Variants in LRRC4C observed in about 807,000 individuals in gnomAD.
The protein encoded by LRRC4C is leucine-rich repeat-containing protein 4C.
LRRC4C carries 5 observed loss-of-function variants against 33.6 expected under a neutral mutation model. The observed-to-expected ratio is 0.15, with a 90% confidence interval of 0.08 to 0.31. The LOEUF (loss-of-function observed/expected upper bound fraction) is 0.31. LRRC4C is among the 10% of genes least tolerant of loss of function. LRRC4C has a pLI of 1.00. For synonymous variants in LRRC4C, 329 were observed against 302.0 expected (o/e 1.09, Z -0.93); for missense variants, 560 against 796.7 (o/e 0.70, Z 3.58).
chr11:40,497,202 G>A (rs892731602), intron 3 of LRRC4C, among the ~76,000 whole-genome samples: 1 of 152,042 alleles, frequency 6.6e-6, no homozygotes, highest in Non-Finnish European at 1.5e-5. Context: ...TCAGGAGATT[G>A]AGACCATCCT....
intron 1 of LRRC4C, among the ~76,000 whole-genome samples, chr11:41,367,493 T>G (rs968039179): frequency 6.6e-6 from 1 of 152,180 alleles, no homozygotes; most frequent in Admixed American, 6.5e-5. Flanking sequence ...GAAAGGACTA[T>G]GAGTTTTGAA....
intron 1 of LRRC4C, among the ~76,000 whole-genome samples, chr11:41,329,513 T>A (rs1389071434): frequency 6.6e-6 from 1 of 152,234 alleles, no homozygotes; most frequent in Non-Finnish European, 1.5e-5. Flanking sequence ...CTAATCCTTC[T>A]TTTCCCTCAG....
intron 2 of LRRC4C, among the ~76,000 whole-genome samples, chr11:40,681,354 C>T (rs1413376980): frequency 1.3e-5 from 2 of 152,054 alleles, no homozygotes; most frequent in East Asian, 3.9e-4. Flanking sequence ...AACTGTCTGC[C>T]CCAATACACA....
chr11:40,216,138 C>T (rs952604908), intron 5 of LRRC4C, among the ~76,000 whole-genome samples: 25 of 152,138 alleles, frequency 1.6e-4, no homozygotes, highest in Non-Finnish European at 3.2e-4. Context: ...AATAACTCTT[C>T]AAATCTTAAT....
chr11:40,825,881 A>C (rs1952141259), intron 2 of LRRC4C, among the ~76,000 whole-genome samples: 1 of 150,312 alleles, frequency 6.7e-6, no homozygotes, highest in African/African-American at 2.4e-5. Context: ...AAAAAAAGAA[A>C]AAAATTTAAA....
At chr11:41,006,881 A>G (rs1854792469) in intron 1 of LRRC4C, among the ~76,000 whole-genome samples, 1 of 152,160 alleles carries the variant, frequency 6.6e-6, no homozygotes, top group Admixed American at 6.5e-5. Context: ...ATATTTATTC[A>G]TAGATTTCTT....
At chr11:41,094,344 T>G (rs754736636) in intron 1 of LRRC4C, among the ~76,000 whole-genome samples, 50 of 151,606 alleles carry the variant, frequency 3.3e-4, no homozygotes, top group Non-Finnish European at 5.3e-4. Context: ...GCTAACACGG[T>G]GAAACCCCGT....
rs1000510059 is a variant in LRRC4C, at chr11:41,328,548, C to T, written c.-496+130883G>A. On this transcript the variant is annotated intron_variant, in intron 1 of 6. Coordinates refer to ENST00000528697, the MANE Select transcript of LRRC4C (RefSeq NM_001258419.2). ...TGTCAACACGCTCCTTACTGAGTTG[C>T]TAATCTTTCTCTTCCCTTTTCTCAG... Among the ~76,000 whole-genome samples, 6 of 152,130 alleles carry T rather than the reference C, an allele frequency of 3.9e-5. No homozygotes were observed. In the East Asian group the frequency reaches 9.6e-4, roughly 24 times the overall value.
intron 1 of LRRC4C, among the ~76,000 whole-genome samples, chr11:41,289,912 C>T (rs993051316): frequency 2.0e-5 from 3 of 152,130 alleles, no homozygotes; most frequent in South Asian, 4.1e-4. Context: ...AGTGAGGATA[C>T]AATACTGCCT....
At chr11:40,436,133 C>T (rs1280595588) in intron 3 of LRRC4C, among the ~76,000 whole-genome samples, 1 of 152,196 alleles carries the variant, frequency 6.6e-6, no homozygotes, top group African/African-American at 2.4e-5. Flanking sequence ...ATCACATCCA[C>T]ACTTTATGTA....
At chr11:41,162,768 G>A (rs1944531205) in intron 1 of LRRC4C, among the ~76,000 whole-genome samples, 1 of 152,198 alleles carries the variant, frequency 6.6e-6, no homozygotes, top group Non-Finnish European at 1.5e-5. Context: ...CTTTGGGAGA[G>A]CCAGTGAATG....
At chr11:41,089,733 A>AGG (rs1940267018) in intron 1 of LRRC4C, among the ~76,000 whole-genome samples, 4 of 152,092 alleles carry the variant, frequency 2.6e-5, no homozygotes, top group African/African-American at 9.7e-5. Context: ...ATGTATTTTT[A>AGG]GCTATTTCTT....
chr11:40,949,580 G>T (rs546763918), intron 1 of LRRC4C, among the ~76,000 whole-genome samples: 1 of 152,114 alleles, frequency 6.6e-6, no homozygotes, highest in South Asian at 2.1e-4. Context: ...TTAAAGAAAA[G>T]AATTTTCAAC....
chr11:40,880,103 A>G (rs1403267053), intron 2 of LRRC4C, among the ~76,000 whole-genome samples: 1 of 152,148 alleles, frequency 6.6e-6, no homozygotes, highest in African/African-American at 2.4e-5. Context: ...CCAGGCAGGC[A>G]TGAGTAGGTG....
chr11:40,949,808 C>G (rs1258279538), intron 1 of LRRC4C, among the ~76,000 whole-genome samples: 2 of 151,882 alleles, frequency 1.3e-5, no homozygotes, highest in Admixed American at 6.6e-5. Context: ...ACTGCATCAA[C>G]TAACGAGCAA....
chr11:40,144,470 G>C (rs147081708), intron 5 of LRRC4C, among the ~76,000 whole-genome samples: 36 of 152,130 alleles, frequency 2.4e-4, no homozygotes, highest in African/African-American at 7.2e-4. Context: ...GCCTGGACTT[G>C]GGAAAATATA....
chr11:40,817,865 AT>A (rs1370691258), intron 2 of LRRC4C, among the ~76,000 whole-genome samples: 6 of 152,136 alleles, frequency 3.9e-5, no homozygotes, highest in African/African-American at 1.4e-4. Context: ...GCTTCCTTCT[AT>A]ACTTCTATGC....
intron 1 of LRRC4C, among the ~76,000 whole-genome samples, chr11:41,286,988 T>C (rs942460213): frequency 2.6e-5 from 4 of 152,158 alleles, no homozygotes; most frequent in Non-Finnish European, 5.9e-5. Flanking sequence ...GAGATAAAGC[T>C]TCAGCAATTT....
At chr11:41,225,597 G>A (rs374741637) in intron 1 of LRRC4C, among the ~76,000 whole-genome samples, 6 of 152,010 alleles carry the variant, frequency 3.9e-5, no homozygotes, top group Admixed American at 6.6e-5. Context: ...CCAGGAGTTC[G>A]AGACTAGCCT....
Sources: allele counts gnomAD v4.1 joint callset (sites outside exome capture counted in the v4.1 genomes callset), GRCh38; gene constraint gnomAD v4.1.1; transcripts MANE v1.5; gene names NCBI Gene and HGNC (gene_info 2026-07-23, HGNC 2026-07-21).